Variants in SGPL1 observed in about 807,000 individuals in gnomAD.
SGPL1 encodes SP-lyase 1.
A neutral mutation model predicts 68.9 loss-of-function variants in SGPL1; 37 were observed. That is an observed-to-expected ratio of 0.54 (90% CI 0.41 to 0.71). The LOEUF (loss-of-function observed/expected upper bound fraction) is 0.71. Ranked by LOEUF, SGPL1 falls within the 30% of genes least tolerant of loss-of-function variation. The probability of loss-of-function intolerance (pLI) is 0.00; values close to 1 mark genes in which losing one functional copy is unlikely to be tolerated. For synonymous variants in SGPL1, 236 were observed against 248.5 expected (o/e 0.95, Z 0.47); for missense variants, 551 against 704.6 (o/e 0.78, Z 2.47).
rs754933927 is a variant in SGPL1 at position 70,859,473 on chromosome 10, A to G, written c.589A>G (p.Asn197Asp). ...CGTGAGGATAGCTTGTTCCCTGTTC[A>G]ATGGGGGACCAGATTCGTGTGGATG... The part of the protein sequence containing the change: ...EIVRIACSLF[N>D]GGPDSCGCVT... The change falls in exon 7 of 15, where the codon AAT (asparagine) becomes GAT (aspartate). Residue 197 changes from asparagine (N) to aspartate (D), a missense_variant. Transcript: ENST00000373202. 3.2e-6 allele frequency: 5 copies of G among 1,541,922 alleles called. No individual in the cohort carries two copies. In the East Asian group the frequency reaches 9.9e-5, roughly 31 times the overall value.
In SGPL1 at chr10:70,854,729, A is replaced by AC; in HGVS notation, c.285dup (p.Lys96GlnfsTer3). 4.3e-6 allele frequency: 7 copies of AC among 1,612,648 alleles called. No individual in the cohort carries two copies. The highest frequency in any genetic ancestry group is 5.9e-6 in the Non-Finnish European group (7 of 1,179,450). Reference sequence around the variant, plus strand: ...GGAGATTCAAGACAAGTTGAACAAGACCAAGGATGATATTAGCAAGAACAT... The same window carrying AC: ...GGAGATTCAAGACAAGTTGAACAAGACCCAAGGATGATATTAGCAAGAACAT... On this transcript the variant is annotated frameshift_variant, in exon 5 of 15. Transcript: ENST00000373202. LOFTEE classifies it high-confidence loss of function.
At chr10:70,850,372 A>T (rs1845860483) in intron 3 of SGPL1, among the ~76,000 whole-genome samples, 2 of 152,162 alleles carry the variant, frequency 1.3e-5, no homozygotes, top group Admixed American at 6.5e-5. Context: ...TCTGTGTTGG[A>T]TGAGAGGCTG....
At chr10:70,822,126 A>G (rs551517049) in intron 2 of SGPL1, among the ~76,000 whole-genome samples, 8 of 152,284 alleles carry the variant, frequency 5.3e-5, no homozygotes, top group Non-Finnish European at 8.8e-5. Context: ...TGAAAGATTG[A>G]CCTTAGGAGC....
chr10:70,848,454 C>CTTTTTTTTTT (rs55860254), intron 3 of SGPL1, among the ~76,000 whole-genome samples: 1 of 70,676 alleles, frequency 1.4e-5, no homozygotes, highest in African/African-American at 6.8e-5. Context: ...ACCTCACGTA[C>CTTTTTTTTTT]TTTTTTTTTT....
chr10:70,839,486 G>GCA (rs981143807), intron 2 of SGPL1, among the ~76,000 whole-genome samples: 2 of 151,928 alleles, frequency 1.3e-5, no homozygotes, highest in Non-Finnish European at 2.9e-5. Context: ...CCCTGCCCAG[G>GCA]CACACACATA....
At chr10:70,823,564 A>G (rs1210576630) in intron 2 of SGPL1, among the ~76,000 whole-genome samples, 1 of 1,908 alleles carries the variant, frequency 5.2e-4, no homozygotes, top group African/African-American at 1.9e-3. Context: ...CTTTATATTG[A>G]AAAAAAAAAA....
intron 7 of SGPL1, chr10:70,860,377 C>CT (rs753683569): frequency 0.024 from 8,145 of 344,958 alleles, 41 homozygotes; most frequent in Admixed American, 0.04. Flanking sequence ...AATTTAGTTT[C>CT]TTTTTTTTTT....
intron 4 of SGPL1, among the ~76,000 whole-genome samples, chr10:70,851,544 G>T (rs898296926): frequency 3.3e-5 from 5 of 151,938 alleles, no homozygotes; most frequent in African/African-American, 1.2e-4. Context: ...TTTCTCCAAT[G>T]TAACTGGCCA....
intron 10 of SGPL1, 81 bp from the exon 11 acceptor site, chr10:70,871,756 C>A: frequency 7.4e-7 from 1 of 1,349,092 alleles, no homozygotes; most frequent in Non-Finnish European, 1.0e-6. Context: ...GTTTATAGCC[C>A]ATCTTTCCAC....
rs556273191 is a variant in SGPL1, at chr10:70,854,284, C to T, written c.262-424C>T. On this transcript the variant is annotated intron_variant, in intron 4 of 14. Transcript: ENST00000373202. ...CCACCTCCTGGGTTCAAGTGATTCT[C>T]ATGCCTCAGCCTCCCAAGTAGCTGG... Among the ~76,000 whole-genome samples, 137 of 151,548 alleles carry T rather than the reference C, an allele frequency of 9.0e-4. 1 individual carries two copies. The highest frequency in any genetic ancestry group is 2.9e-3 in the African/African-American group (119 of 41,282).
At chr10:70,861,781 A>G (rs1336508156) in intron 7 of SGPL1, among the ~76,000 whole-genome samples, 1 of 152,134 alleles carries the variant, frequency 6.6e-6, no homozygotes, top group African/African-American at 2.4e-5. Flanking sequence ...GGGGCTTAGC[A>G]CCCAGCCAGC....
intron 2 of SGPL1, among the ~76,000 whole-genome samples, chr10:70,819,948 C>G (rs997245132): frequency 6.6e-5 from 10 of 152,030 alleles, no homozygotes; most frequent in African/African-American, 2.2e-4. Flanking sequence ...TGTGATGCAG[C>G]TTATATTATA....
At chr10:70,817,179 C>T (rs1199239063) in intron 2 of SGPL1, among the ~76,000 whole-genome samples, 1 of 152,162 alleles carries the variant, frequency 6.6e-6, no homozygotes, top group Non-Finnish European at 1.5e-5. Context: ...GCCACCACGC[C>T]CGGCTAATTT....
intron 2 of SGPL1, among the ~76,000 whole-genome samples, chr10:70,823,255 CCAGA>C (rs1845374225): frequency 6.6e-6 from 1 of 150,824 alleles, no homozygotes; most frequent in Non-Finnish European, 1.5e-5. Flanking sequence ...TTCCCTGTAG[CCAGA>C]CATTTATCTT....
Position 70,853,774 on chromosome 10 carries a change from C to T in SGPL1, c.262-934C>T, listed in dbSNP as rs115653922. Among the ~76,000 whole-genome samples the T allele has an allele frequency of 6.2e-3, 940 of 152,264 alleles. 12 individuals are homozygous for T. The highest frequency in any genetic ancestry group is 0.034 in the South Asian group (164 of 4,814). On this transcript the variant is annotated intron_variant, in intron 4 of 14. Coordinates refer to ENST00000373202, the MANE Select transcript of SGPL1 (RefSeq NM_003901.4). ...TTGATAAACTACCTAGCAGAAAGGA[C>T]CTTAGTTCCTTTTAATATTTTGGGG...
intron 2 of SGPL1, among the ~76,000 whole-genome samples, chr10:70,823,762 C>T (rs1231258208): frequency 5.3e-5 from 8 of 150,660 alleles, no homozygotes; most frequent in Non-Finnish European, 1.0e-4. Context: ...ACAAAAAAAT[C>T]AGGAAATACT....
At chr10:70,833,643 C>G (rs1197950361) in intron 2 of SGPL1, among the ~76,000 whole-genome samples, 1 of 152,122 alleles carries the variant, frequency 6.6e-6, no homozygotes, top group African/African-American at 2.4e-5. Context: ...ATTAGCTTTG[C>G]TTTCTGGCTT....
intron 2 of SGPL1, among the ~76,000 whole-genome samples, chr10:70,831,831 T>A (rs1406133113): frequency 3.3e-5 from 5 of 152,168 alleles, no homozygotes; most frequent in African/African-American, 1.2e-4. Context: ...TCTGTTCAGG[T>A]TGTCGCTGGC....
intron 7 of SGPL1, among the ~76,000 whole-genome samples, chr10:70,865,404 A>G (rs1192211547): frequency 6.6e-6 from 1 of 151,220 alleles, no homozygotes; most frequent in Non-Finnish European, 1.5e-5. Flanking sequence ...CCATATCTCT[A>G]TTATTTTGAT....
Sources: gnomAD v4.1 joint callset for allele counts (sites outside exome capture counted in the v4.1 genomes callset) on GRCh38, gnomAD v4.1.1 for gene constraint, MANE v1.5 for transcripts, NCBI Gene and HGNC (gene_info 2026-07-23, HGNC 2026-07-21) for gene names.